Variants in DMBT1 observed in about 807,000 individuals in gnomAD.
The protein encoded by DMBT1 is deleted in malignant brain tumors 1.
Under a neutral mutation model 252.9 loss-of-function variants are expected in DMBT1, and 198 were observed. The observed-to-expected ratio is 0.78, with a 90% CI of 0.70 to 0.88. The LOEUF is 0.88. DMBT1 is among the 40% of genes least tolerant of loss of function. The pLI, the probability that DMBT1 is intolerant of heterozygous loss-of-function variation, is 0.00. For missense variants in DMBT1, 2,432 were observed against 2,404.7 expected (o/e 1.01, Z -0.24); for synonymous variants, 990 against 942.7 (o/e 1.05, Z -0.92).
At chr10:122,561,210 G>A (rs3013231) in intron 1 of DMBT1, among the ~76,000 whole-genome samples, 102,980 of 152,076 alleles carry the variant, frequency 0.68, 35,217 homozygotes, top group South Asian at 0.78. Context: ...ATGAAAACGG[G>A]CAGAAAGGAT....
intron 45 of DMBT1, 104 bp from the exon 46 acceptor site, chr10:122,625,829 G>T (rs1013220291): frequency 1.3e-5 from 12 of 955,088 alleles, no homozygotes; most frequent in South Asian, 3.9e-5. Flanking sequence ...GCTCTGAGAA[G>T]TCCTGTACTA....
At chr10:122,619,946 CAG>C (rs1288327214) in intron 42 of DMBT1, among the ~76,000 whole-genome samples, 1 of 152,222 alleles carries the variant, frequency 6.6e-6, no homozygotes, top group Non-Finnish European at 1.5e-5. Flanking sequence ...CTCGAACTGT[CAG>C]AGTCTCAGCA....
rs2097868355 is a variant in DMBT1 at position 122,593,437 on chromosome 10, A to G, written c.2501-132A>G. On this transcript the variant is annotated intron_variant, in intron 20 of 55. Transcript: ENST00000338354. ...CATCTCTGTGGGGATGTGCATGGCA[A>G]TGTCCCTCCCTGTGTGATAGGAACT... is the stretch of plus-strand genomic sequence containing the variant. 7 of 1,124,914 alleles carry G rather than the reference A, an allele frequency of 6.2e-6. No homozygotes were observed. In the Admixed American group the frequency reaches 8.9e-5, roughly 14 times the overall value. The allele number at this position is 1,124,914 out of a possible 1,614,324, so 69.7% of individuals were successfully genotyped here.
intron 2 of DMBT1, 39 bp from the exon 3 acceptor site, chr10:122,570,123 G>T: frequency 6.4e-7 from 1 of 1,563,776 alleles, no homozygotes; most frequent in South Asian, 1.1e-5. Context: ...CCCCAAGCAA[G>T]GGCTACCATC....
chr10:122,592,178 C>T (rs963476914), intron 19 of DMBT1, 94 bp from the exon 20 acceptor site: 3 of 1,528,438 alleles, frequency 2.0e-6, no homozygotes, highest in Non-Finnish European at 2.6e-6. Context: ...GTCCAGGCGA[C>T]CTTGGCCATT....
chr10:122,618,125 G>T lies in DMBT1; in HGVS notation c.5000G>T (p.Trp1667Leu), dbSNP rs771453352. ...GSWGTVCDDY[W>L]DTNDANVVCR... ...TGGGGCACCGTGTGTGATGACTACT[G>T]GGACACCAATGATGCCAACGTGGTC... Residue 1667 changes from tryptophan to leucine, a missense_variant, in exon 41 of 56, where the codon TGG (tryptophan) becomes TTG (leucine). Trp to Leu is a moderately conservative substitution (Grantham distance 61). Transcript: ENST00000338354. The T allele has an allele frequency of 1.9e-6, 3 of 1,613,944 alleles. No individual in the cohort carries two copies. The highest frequency in any genetic ancestry group is 2.2e-5 in the South Asian group (2 of 91,068).
intron 41 of DMBT1, among the ~76,000 whole-genome samples, chr10:122,618,683 T>C (rs1240019529): frequency 6.6e-6 from 1 of 152,182 alleles, no homozygotes; most frequent in Non-Finnish European, 1.5e-5. Context: ...ACAGCACAGA[T>C]AGCAGGGGCA....
chr10:122,579,721 C>T lies in DMBT1; in HGVS notation c.823C>T (p.Leu275=). 4 of 1,613,876 alleles carry T rather than the reference C, an allele frequency of 2.5e-6. No homozygotes were observed. The highest frequency in any genetic ancestry group is 2.5e-6 in the Non-Finnish European group (3 of 1,179,804). ...TNDANVVCRQ[L]GCGWAMSAPG... ...TGATGCCAATGTGGTCTGCAGGCAG[C>T]TGGGCTGTGGCTGGGCCATGTCAGC... Residue 275 remains leucine (L), a synonymous_variant, in exon 10 of 56, where the codon CTG becomes TTG. Transcript: ENST00000338354.
At chr10:122,617,585 G>T (rs1042466397) in intron 40 of DMBT1, among the ~76,000 whole-genome samples, 6 of 151,620 alleles carry the variant, frequency 4.0e-5, no homozygotes, top group Non-Finnish European at 7.3e-5. Context: ...ACCTGCAAGG[G>T]TGGGTGAAAA....
chr10:122,585,852 G>A lies in DMBT1; in HGVS notation c.1460-208G>A, dbSNP rs568414151. On this transcript the variant is annotated intron_variant, in intron 15 of 55. Transcript: ENST00000338354. ...CCTGTTAACTCCAGTAGGGTCACAG[G>A]TGCTTCCCCAAACTTGAGCCTTCAT... 2.7e-5 allele frequency among the ~76,000 whole-genome samples: 4 copies of A among 148,864 alleles called. 1 individual carries two copies. The highest frequency in any genetic ancestry group is 1.3e-4 in the Admixed American group (2 of 15,010).
chr10:122,634,352 C>CT (rs1184996032), intron 52 of DMBT1, among the ~76,000 whole-genome samples: 1 of 90,716 alleles, frequency 1.1e-5, no homozygotes, highest in Admixed American at 1.1e-4. Flanking sequence ...TTCTTTCTTT[C>CT]TTTCTTTCTT....
At chr10:122,617,884 T>C in intron 40 of DMBT1, 133 bp from the exon 41 acceptor site, 2 of 1,458,134 alleles carry the variant, frequency 1.4e-6, no homozygotes, top group Non-Finnish European at 1.9e-6. Context: ...GAACCTCCGG[T>C]AGCAGTTGTA....
chr10:122,563,598 T>A (rs910477137), intron 1 of DMBT1, among the ~76,000 whole-genome samples: 8 of 92,126 alleles, frequency 8.7e-5, no homozygotes, highest in East Asian at 3.4e-4. Context: ...AAAAAAAAAA[T>A]TAATAAATCA....
At chr10:122,562,320 G>T (rs999944081) in intron 1 of DMBT1, among the ~76,000 whole-genome samples, 1 of 152,144 alleles carries the variant, frequency 6.6e-6, no homozygotes, top group African/African-American at 2.4e-5. Flanking sequence ...CTCAGTGGGG[G>T]AAGCTTTGAA....
intron 50 of DMBT1, 68 bp downstream of exon 50, chr10:122,631,943 G>A (rs372226558): frequency 2.9e-5 from 45 of 1,538,132 alleles, no homozygotes; most frequent in Non-Finnish European, 3.8e-5. Flanking sequence ...TGCCTAGACT[G>A]TGCAGGGCAT....
intron 40 of DMBT1, 141 bp from the exon 41 acceptor site, chr10:122,617,876 A>G: frequency 6.9e-7 from 1 of 1,441,002 alleles, no homozygotes; most frequent in Non-Finnish European, 9.4e-7. Context: ...ATAAAGCTGA[A>G]CCTCCGGTAG....
chr10:122,561,735 TC>T (rs2133491279), intron 1 of DMBT1, among the ~76,000 whole-genome samples: 1 of 151,854 alleles, frequency 6.6e-6, no homozygotes, highest in East Asian at 1.9e-4. Flanking sequence ...TTCCTCCTCC[TC>T]CCTCTGTTTC....
intron 55 of DMBT1, among the ~76,000 whole-genome samples, chr10:122,640,688 C>G (rs1475356761): frequency 6.6e-6 from 1 of 152,188 alleles, no homozygotes; most frequent in African/African-American, 2.4e-5. Flanking sequence ...TGTATCATCT[C>G]CAGTTAACAT....
chr10:122,580,117 C>T (rs968576062), intron 10 of DMBT1, among the ~76,000 whole-genome samples: 2 of 152,194 alleles, frequency 1.3e-5, no homozygotes, highest in African/African-American at 4.8e-5. Flanking sequence ...CAGAGTTTTT[C>T]CCCTTCCTGA....
Sources: gnomAD v4.1 joint callset for allele counts (sites outside exome capture counted in the v4.1 genomes callset) on GRCh38, gnomAD v4.1.1 for gene constraint, MANE v1.5 for transcripts, NCBI Gene and HGNC (gene_info 2026-07-23, HGNC 2026-07-21) for gene names.